TEX11: variants seen among roughly 807,000 people sequenced by gnomAD.
TEX11 encodes testis expressed 11.
In TEX11, 7 loss-of-function variants were observed where a neutral mutation model predicts 84.4. The ratio of observed to expected loss-of-function variants is 0.08; its 90% CI spans 0.05 to 0.16. TEX11 has a LOEUF of 0.16. Among genes scored for constraint, TEX11 ranks in the 10% least tolerant of loss-of-function variants. The probability of loss-of-function intolerance (pLI) is 1.00; values close to 1 mark genes in which losing one functional copy is unlikely to be tolerated. For missense variants in TEX11, 551 were observed against 660.5 expected (o/e 0.83, Z 1.82); for synonymous variants, 264 against 222.8 (o/e 1.18, Z -1.64).
intron 7 of TEX11, among the ~76,000 whole-genome samples, chrX:70,841,115 T>C (rs892913534): frequency 1.5e-4 from 17 of 110,348 alleles, no homozygotes; most frequent in African/African-American, 4.3e-4. Flanking sequence ...GAACTCAGCT[T>C]TGCACCAAGC....
chrX:70,674,590 T>C (rs1461415272), intron 15 of TEX11, among the ~76,000 whole-genome samples: 1 of 112,474 alleles, frequency 8.9e-6, no homozygotes, highest in Non-Finnish European at 1.9e-5. Flanking sequence ...ATAATGTATC[T>C]TGGCTATTTT....
At chrX:70,747,744 A>T (rs183811473) in intron 9 of TEX11, among the ~76,000 whole-genome samples, 1,682 of 111,221 alleles carry the variant, frequency 0.015, 18 homozygotes, top group Non-Finnish European at 0.023. Context: ...CAGTTAAGAG[A>T]TAGAAATTAT....
At chrX:70,681,767 C>T (rs1421178801) in intron 14 of TEX11, among the ~76,000 whole-genome samples, 2 of 110,860 alleles carry the variant, frequency 1.8e-5, no homozygotes, top group African/African-American at 3.3e-5. Context: ...GTAGGAAAAC[C>T]GGATAACCAA....
In TEX11 at chrX:70,662,923, G is replaced by A. The variant is rs924012264; in HGVS notation, c.1380+7454C>T. Among the ~76,000 whole-genome samples, 3 of 111,349 alleles carry A rather than the reference G, an allele frequency of 2.7e-5. No individual in the cohort carries two copies. The Admixed American group carries it at 2.9e-4, about 11-fold the overall frequency. ...GGAAGTCTTCTATATCTAGACCATGGTAGTGGGTAAATTTGGGGTATAAAG... is the reference window on the plus strand; with the variant it reads ...GGAAGTCTTCTATATCTAGACCATGATAGTGGGTAAATTTGGGGTATAAAG... On this transcript the variant is annotated intron_variant, in intron 16 of 29. Coordinates refer to ENST00000374333, the MANE Select transcript of TEX11 (RefSeq NM_031276.3).
At chrX:70,747,468 A>G (rs1039863148) in intron 9 of TEX11, among the ~76,000 whole-genome samples, 5 of 112,448 alleles carry the variant, frequency 4.4e-5, no homozygotes, top group Non-Finnish European at 7.5e-5. Flanking sequence ...AAGAGGAGAA[A>G]CTGTATCTAG....
chrX:70,612,462 A>G (rs139885805), intron 20 of TEX11, among the ~76,000 whole-genome samples: 72 of 111,580 alleles, frequency 6.5e-4, no homozygotes, highest in African/African-American at 2.2e-3. Context: ...TCAGCAAAGT[A>G]ATCAGAGAGA....
chrX:70,632,366 T>C (rs1160825401), intron 17 of TEX11, among the ~76,000 whole-genome samples: 3 of 110,400 alleles, frequency 2.7e-5, no homozygotes, highest in African/African-American at 9.9e-5. Context: ...ATAAAAACAA[T>C]AGAGGCCAAG....
chrX:70,713,453 T>C (rs1022257995), intron 13 of TEX11, among the ~76,000 whole-genome samples: 1 of 112,095 alleles, frequency 8.9e-6, no homozygotes, highest in Non-Finnish European at 1.9e-5. Flanking sequence ...CTATTGATTA[T>C]TGCCTCAATG....
intron 4 of TEX11, among the ~76,000 whole-genome samples, chrX:70,868,434 T>TA (rs992951218): frequency 9.0e-5 from 10 of 111,529 alleles, no homozygotes; most frequent in African/African-American, 3.3e-4. Flanking sequence ...GGTGGGAGTG[T>TA]AAATTAGTTC....
At chrX:70,511,768 A>AAG in the TEX11 span, among the ~76,000 whole-genome samples, 2 of 102,648 alleles carry the variant, frequency 1.9e-5, no homozygotes, top group African/African-American at 7.2e-5. Flanking sequence ...AAAAAAAAAA[A>AAG]AAAAAAAAGA....
intron 16 of TEX11, among the ~76,000 whole-genome samples, chrX:70,661,004 C>T: frequency 8.9e-6 from 1 of 112,506 alleles, no homozygotes; most frequent in East Asian, 2.8e-4. Flanking sequence ...GTGCATCTCA[C>T]TGAGGATTGT....
rs747506985 is a variant in TEX11 at position 70,578,517 on chromosome X, C to T, written c.2140+13234G>A. Among the ~76,000 whole-genome samples, 4 of 111,745 alleles carry T rather than the reference C, an allele frequency of 3.6e-5. No individual in the cohort carries two copies. In the East Asian group the frequency reaches 1.1e-3, roughly 31 times the overall value. ...GGCATATTTCTGTGTTTACTCTTAA[C>T]TTATAGCTGAAATTGTAGATCAGAA... On this transcript the variant is annotated intron_variant, in intron 25 of 29. Coordinates refer to ENST00000374333, the MANE Select transcript of TEX11 (RefSeq NM_031276.3).
chrX:70,775,715 G>A (rs935255427), intron 9 of TEX11, among the ~76,000 whole-genome samples: 17 of 101,714 alleles, frequency 1.7e-4, no homozygotes, highest in Non-Finnish European at 3.4e-4. Flanking sequence ...CAGGAGAATC[G>A]CCTGAACCCA....
chrX:70,711,595 A>T (rs2090434408), intron 13 of TEX11, among the ~76,000 whole-genome samples: 1 of 111,916 alleles, frequency 8.9e-6, no homozygotes, highest in African/African-American at 3.3e-5. Flanking sequence ...TTCTTTTGAG[A>T]AGTGTCCATT....
chrX:70,565,587 G>T (rs1196472385), intron 25 of TEX11, among the ~76,000 whole-genome samples: 1 of 111,064 alleles, frequency 9.0e-6, no homozygotes, highest in African/African-American at 3.3e-5. Flanking sequence ...TGTATAAGGG[G>T]TAAGGAAGGG....
At chrX:70,820,120 G>T (rs140740816) in intron 8 of TEX11, among the ~76,000 whole-genome samples, 1 of 111,848 alleles carries the variant, frequency 8.9e-6, no homozygotes, top group African/African-American at 3.3e-5. Context: ...GAAATCTTGC[G>T]CAAGAAGTAC....
intron 8 of TEX11, among the ~76,000 whole-genome samples, chrX:70,814,371 T>C (rs2091275302): frequency 8.9e-6 from 1 of 112,190 alleles, no homozygotes; most frequent in South Asian, 3.7e-4. Context: ...CAAATGATTT[T>C]GAGTTTGGAA....
intron 3 of TEX11, 68 bp downstream of exon 3, chrX:70,879,920 A>G: frequency 1.0e-6 from 1 of 964,988 alleles, no homozygotes. Context: ...TTTTTTACCT[A>G]TATAATACAT....
At chrX:70,672,411 T>C (rs1342659265) in intron 15 of TEX11, among the ~76,000 whole-genome samples, 1 of 112,201 alleles carries the variant, frequency 8.9e-6, no homozygotes, top group African/African-American at 3.2e-5. Context: ...GGGGCAAGTT[T>C]AACATTTTAG....
Sources: allele counts gnomAD v4.1 joint callset (sites outside exome capture counted in the v4.1 genomes callset), GRCh38; gene constraint gnomAD v4.1.1; transcripts MANE v1.5; gene names NCBI Gene and HGNC (gene_info 2026-07-23, HGNC 2026-07-21).